Variants in MACROD2 observed in about 807,000 individuals in gnomAD.
MACROD2 encodes mono-ADP ribosylhydrolase 2.
MACROD2 carries 36 observed loss-of-function variants against 70.4 expected under a neutral mutation model. The ratio of observed to expected loss-of-function variants is 0.51; its 90% CI spans 0.39 to 0.68. The LOEUF is 0.68. MACROD2 is among the 30% of genes least tolerant of loss of function. The pLI is 0.00. For synonymous variants in MACROD2, 172 were observed against 178.8 expected (o/e 0.96, Z 0.30); for missense variants, 496 against 538.4 (o/e 0.92, Z 0.78).
chr20:14,209,455 A>G (rs562813089), intron 3 of MACROD2, among the ~76,000 whole-genome samples: 5 of 152,306 alleles, frequency 3.3e-5, no homozygotes, highest in East Asian at 3.9e-4. Flanking sequence ...AGAAATGTCA[A>G]TGATGCTGGA....
At chr20:15,601,819 G>A (rs2048824475) in intron 8 of MACROD2, among the ~76,000 whole-genome samples, 1 of 152,090 alleles carries the variant, frequency 6.6e-6, no homozygotes, top group Admixed American at 6.5e-5. Context: ...ACAAGGTCAG[G>A]AGATCGAGAC....
chr20:15,740,231 A>C (rs1043034543), intron 8 of MACROD2, among the ~76,000 whole-genome samples: 1 of 152,208 alleles, frequency 6.6e-6, no homozygotes, highest in East Asian at 1.9e-4. Flanking sequence ...AGTCAGTCAC[A>C]TGCCTCCTTC....
intron 5 of MACROD2, among the ~76,000 whole-genome samples, chr20:15,018,276 G>T (rs915423118): frequency 6.6e-6 from 1 of 152,126 alleles, no homozygotes; most frequent in African/African-American, 2.4e-5. Context: ...AATGCCGCCA[G>T]ACTCTTTGCC....
intron 3 of MACROD2, among the ~76,000 whole-genome samples, chr20:14,431,961 G>T (rs1005502569): frequency 6.6e-6 from 1 of 152,168 alleles, no homozygotes; most frequent in East Asian, 1.9e-4. Context: ...CACAGCAGAG[G>T]GGGTAAGTCA....
At chr20:14,902,142 G>A (rs1297746964) in intron 5 of MACROD2, among the ~76,000 whole-genome samples, 1 of 152,126 alleles carries the variant, frequency 6.6e-6, no homozygotes, top group Non-Finnish European at 1.5e-5. Flanking sequence ...AAATGCTTTT[G>A]TAAATGCAAA....
In MACROD2 at chr20:14,691,833, A is replaced by G. The variant is rs543851990; in HGVS notation, c.418+6874A>G. Among the ~76,000 whole-genome samples the G allele has an allele frequency of 4.5e-4, 68 of 152,264 alleles. 1 individual carries two copies. Among genetic ancestry groups the G allele is most frequent in the South Asian group, 8.3e-4 (4 of 4,830 alleles). ...CATAATCAAATGACTTATATTACAC[A>G]AAGAGAAAAGCCGCTTTTGAAGATC... On this transcript the variant is annotated intron_variant, in intron 5 of 17. Coordinates refer to ENST00000684519, the MANE Select transcript of MACROD2 (RefSeq NM_001351661.2).
At chr20:14,465,211 G>T (rs1396408820) in intron 3 of MACROD2, among the ~76,000 whole-genome samples, 1 of 151,992 alleles carries the variant, frequency 6.6e-6, no homozygotes, top group Non-Finnish European at 1.5e-5. Context: ...TTATGAATCT[G>T]GGTGCTCCTG....
At chr20:14,078,816 A>G (rs2053951544) in intron 2 of MACROD2, among the ~76,000 whole-genome samples, 2 of 152,216 alleles carry the variant, frequency 1.3e-5, no homozygotes, top group African/African-American at 2.4e-5. Flanking sequence ...TGTTTGATAT[A>G]TTAAATTATG....
intron 8 of MACROD2, among the ~76,000 whole-genome samples, chr20:15,578,517 A>C (rs558040423): frequency 6.6e-6 from 1 of 152,268 alleles, no homozygotes; most frequent in East Asian, 1.9e-4. Context: ...AGCAGCTTTC[A>C]GTTATAGTTA....
chr20:15,204,442 T>G (rs2076683931), intron 5 of MACROD2, among the ~76,000 whole-genome samples: 1 of 152,162 alleles, frequency 6.6e-6, no homozygotes, highest in African/African-American at 2.4e-5. Context: ...TCACTTCTTT[T>G]TATTATTAGC....
intron 4 of MACROD2, among the ~76,000 whole-genome samples, chr20:14,576,366 A>G (rs1331375068): frequency 6.6e-6 from 1 of 152,178 alleles, no homozygotes; most frequent in East Asian, 1.9e-4. Context: ...GCCACCTGAC[A>G]GATTTTTCCT....
chr20:15,744,494 T>A (rs1231742432), intron 8 of MACROD2, among the ~76,000 whole-genome samples: 1 of 152,108 alleles, frequency 6.6e-6, no homozygotes, highest in African/African-American at 2.4e-5. Flanking sequence ...GTTACCAAAT[T>A]TAAATGCCTT....
At chr20:15,231,930 G>T (rs916519571) in intron 6 of MACROD2, among the ~76,000 whole-genome samples, 2 of 152,034 alleles carry the variant, frequency 1.3e-5, no homozygotes, top group African/African-American at 4.8e-5. Context: ...AATGGAGATA[G>T]AAAATACACA....
At chr20:14,592,274 CTG>C (rs1305702819) in intron 4 of MACROD2, among the ~76,000 whole-genome samples, 1 of 152,158 alleles carries the variant, frequency 6.6e-6, no homozygotes, top group Non-Finnish European at 1.5e-5. Flanking sequence ...ACTATGCCAT[CTG>C]TAAGCTAGAT....
intron 3 of MACROD2, among the ~76,000 whole-genome samples, chr20:14,174,516 A>T (rs187298151): frequency 6.6e-6 from 1 of 152,242 alleles, no homozygotes; most frequent in East Asian, 1.9e-4. Flanking sequence ...CACTCCCACC[A>T]TGCCCCTCCA....
intron 4 of MACROD2, among the ~76,000 whole-genome samples, chr20:14,547,793 CAT>C (rs1978366150): frequency 6.6e-6 from 1 of 152,186 alleles, no homozygotes; most frequent in Non-Finnish European, 1.5e-5. Flanking sequence ...TGAGGTCACT[CAT>C]ACAGTTGCAT....
intron 8 of MACROD2, among the ~76,000 whole-genome samples, chr20:15,789,128 TC>T: frequency 6.6e-6 from 1 of 152,322 alleles, no homozygotes; most frequent in African/African-American, 2.4e-5. Flanking sequence ...TGCTTTTTCA[TC>T]CCTGGTTTAT....
chr20:14,879,726 A>G (rs2210049), intron 5 of MACROD2, among the ~76,000 whole-genome samples: 46,074 of 152,022 alleles, frequency 0.3, 7,392 homozygotes, highest in East Asian at 0.51. Flanking sequence ...TCATAAGACA[A>G]TTGGTCATTG....
intron 8 of MACROD2, among the ~76,000 whole-genome samples, chr20:15,564,508 T>C (rs1051616007): frequency 6.6e-5 from 10 of 152,202 alleles, no homozygotes; most frequent in Admixed American, 6.5e-4. Flanking sequence ...ACATTACTTA[T>C]AGCACATTTC....
Sources: allele counts gnomAD v4.1 joint callset (sites outside exome capture counted in the v4.1 genomes callset), GRCh38; gene constraint gnomAD v4.1.1; transcripts MANE v1.5; gene names NCBI Gene and HGNC (gene_info 2026-07-23, HGNC 2026-07-21).